RFX4: variants seen among roughly 807,000 people sequenced by gnomAD.
RFX4 encodes the protein regulatory factor X4.
RFX4 carries 10 observed loss-of-function variants against 95.0 expected under a neutral mutation model. That is an observed-to-expected ratio of 0.11 (90% confidence interval 0.06 to 0.18). The LOEUF (loss-of-function observed/expected upper bound fraction) is 0.18, where lower values mean the gene tolerates loss of function less well. Ranked by LOEUF, RFX4 falls within the 10% of genes least tolerant of loss-of-function variation. RFX4 has a pLI of 1.00. For synonymous variants in RFX4, 321 were observed against 340.7 expected, an observed-to-expected ratio of 0.94 and a Z score of 0.64; for missense variants, 640 against 922.0, an observed-to-expected ratio of 0.69 and a Z score of 3.96.
At chr12:106,667,731 C>T (rs1034514831) in intron 4 of RFX4, among the ~76,000 whole-genome samples, 2 of 152,134 alleles carry the variant, frequency 1.3e-5, no homozygotes, top group African/African-American at 4.8e-5. Context: ...TGTGTCCTCC[C>T]CTCTCTTAAG....
At chr12:106,627,583 G>C (rs572128213) in intron 2 of RFX4, among the ~76,000 whole-genome samples, 1 of 152,014 alleles carries the variant, frequency 6.6e-6, no homozygotes, top group African/African-American at 2.4e-5. Flanking sequence ...ACAATTCAAG[G>C]CTACGTAAAT....
intron 1 of RFX4, among the ~76,000 whole-genome samples, chr12:106,584,545 C>G (rs947865421): frequency 1.1e-4 from 16 of 152,202 alleles, no homozygotes; most frequent in Admixed American, 6.5e-5. Flanking sequence ...GCATGCACGT[C>G]CTTTCCTTGA....
intron 2 of RFX4, among the ~76,000 whole-genome samples, chr12:106,618,494 T>G (rs2040118562): frequency 2.0e-5 from 3 of 152,102 alleles, no homozygotes; most frequent in Admixed American, 2.0e-4. Flanking sequence ...TTTATTATTG[T>G]TAAATATTTC....
intron 2 of RFX4, among the ~76,000 whole-genome samples, chr12:106,624,979 G>A (rs1403875341): frequency 6.6e-6 from 1 of 152,182 alleles, no homozygotes; most frequent in African/African-American, 2.4e-5. Flanking sequence ...GCTTTTTCTG[G>A]CATGAGCCTT....
At chr12:106,595,772 C>T (rs902099381) in intron 1 of RFX4, among the ~76,000 whole-genome samples, 11 of 152,160 alleles carry the variant, frequency 7.2e-5, no homozygotes, top group African/African-American at 1.4e-4. Context: ...CTATAATCAT[C>T]GATAGAATCA....
intron 15 of RFX4, among the ~76,000 whole-genome samples, chr12:106,735,019 A>C (rs954475201): frequency 2.9e-4 from 44 of 150,472 alleles, no homozygotes; most frequent in African/African-American, 1.1e-3. Flanking sequence ...AGACCACTGC[A>C]CTCCAGCCTG....
chr12:106,725,608 A>C (rs940324432), intron 13 of RFX4, among the ~76,000 whole-genome samples: 3 of 152,200 alleles, frequency 2.0e-5, no homozygotes, highest in African/African-American at 4.8e-5. Flanking sequence ...GGATTTAATA[A>C]ATGTTTAGCA....
intron 13 of RFX4, among the ~76,000 whole-genome samples, chr12:106,723,832 A>AC (rs1270810757): frequency 2.0e-5 from 3 of 152,194 alleles, no homozygotes; most frequent in Non-Finnish European, 4.4e-5. Context: ...CTTTCCCTGT[A>AC]GTCAGGAGTG....
chr12:106,710,489 C>T (rs1031853935), intron 9 of RFX4, among the ~76,000 whole-genome samples: 5 of 152,140 alleles, frequency 3.3e-5, no homozygotes, highest in African/African-American at 1.2e-4. Context: ...CCCATTCCTC[C>T]ACTCCACACC....
At position 106,629,834 on chromosome 12, in the gene RFX4, A is replaced by G. The variant is rs574310220; in HGVS notation, c.131-9498A>G. Among the ~76,000 whole-genome samples the G allele has an allele frequency of 1.2e-4, 18 of 152,264 alleles. No homozygotes were observed. The East Asian group carries it at 3.3e-3, about 28-fold the overall frequency. ...GGTCTCACTATGACCCTCCGGCCTC[A>G]GCCTCCCAAAGTGTTGGGATTATAG... is the stretch of plus-strand genomic sequence containing the variant. On this transcript the variant is annotated intron_variant, in intron 2 of 17. Coordinates refer to ENST00000392842, the MANE Select transcript of RFX4 (RefSeq NM_213594.3).
At chr12:106,722,077 C>T (rs919707198) in intron 13 of RFX4, among the ~76,000 whole-genome samples, 7 of 152,264 alleles carry the variant, frequency 4.6e-5, no homozygotes, top group Non-Finnish European at 8.8e-5. Flanking sequence ...TATGGAAATG[C>T]TCTGCTGACT....
chr12:106,703,969 G>A (rs2042036075), intron 8 of RFX4, among the ~76,000 whole-genome samples: 1 of 150,460 alleles, frequency 6.6e-6, no homozygotes, highest in African/African-American at 2.5e-5. Flanking sequence ...GGGTGGCTGA[G>A]GCACAAGAAT....
intron 1 of RFX4, chr12:106,601,357 G>A: frequency 6.4e-7 from 1 of 1,574,098 alleles, no homozygotes; most frequent in Non-Finnish European, 8.6e-7. Flanking sequence ...GTAATGACCA[G>A]GGCCCAGGGA....
chr12:106,730,630 T>A (rs2042591343), intron 13 of RFX4, among the ~76,000 whole-genome samples: 1 of 152,094 alleles, frequency 6.6e-6, no homozygotes, highest in Non-Finnish European at 1.5e-5. Context: ...GTAGATGTGA[T>A]GATGATAATA....
At chr12:106,675,116 A>G (rs946339542) in intron 4 of RFX4, among the ~76,000 whole-genome samples, 3 of 152,194 alleles carry the variant, frequency 2.0e-5, no homozygotes, top group African/African-American at 7.2e-5. Context: ...CATGGTAACT[A>G]TAGTTAATAA....
At position 106,706,301 on chromosome 12, in the gene RFX4, T is replaced by C. The variant is rs376784392; in HGVS notation, c.834-3029T>C. On this transcript the variant is annotated intron_variant, in intron 8 of 17. Coordinates refer to ENST00000392842, the MANE Select transcript of RFX4 (RefSeq NM_213594.3). ...TTATCCTAAGAATAATGTGAAAACA[T>C]TGAGGAGTTTTAATCGGAATTACAG... is the stretch of plus-strand genomic sequence containing the variant. Among the ~76,000 whole-genome samples, 37 of 152,188 alleles carry C rather than the reference T, an allele frequency of 2.4e-4. No individual in the cohort carries two copies. In the East Asian group the frequency reaches 6.8e-3, roughly 28 times the overall value.
intron 11 of RFX4, among the ~76,000 whole-genome samples, chr12:106,717,560 T>C (rs1052647126): frequency 5.9e-5 from 9 of 152,206 alleles, no homozygotes; most frequent in African/African-American, 2.2e-4. Context: ...GTAAATGCTG[T>C]GGTTCAGTTC....
At position 106,586,995 on chromosome 12, in the gene RFX4, G is replaced by T. The variant is rs1309997543; in HGVS notation, c.43+3632G>T. ...CGTGTGTGTGTGCGCGCGCGCGGGCGAACGGGGCATGTGCGCCCCCATCTC... is the reference window on the plus strand; with the variant it reads ...CGTGTGTGTGTGCGCGCGCGCGGGCTAACGGGGCATGTGCGCCCCCATCTC... On this transcript the variant is annotated intron_variant, in intron 1 of 17. Transcript: ENST00000392842. The surrounding 1 kb of genome is among the most constrained non-coding windows in gnomAD (Gnocchi z 5.6). 2.6e-5 allele frequency among the ~76,000 whole-genome samples: 4 copies of T among 152,218 alleles called. No individual in the cohort carries two copies. The highest frequency in any genetic ancestry group is 7.2e-5 in the African/African-American group (3 of 41,466).
rs543720178 is a variant in RFX4 at position 106,674,741 on chromosome 12, A to G, written c.316-7252A>G. ...CATTTATTTTTGGTCTTCTCACACTAGAATGTAAGCTTCTTGAACAGAGGC... is the reference window on the plus strand; with the variant it reads ...CATTTATTTTTGGTCTTCTCACACTGGAATGTAAGCTTCTTGAACAGAGGC... On this transcript the variant is annotated intron_variant, in intron 4 of 17. Transcript: ENST00000392842. Among the ~76,000 whole-genome samples the G allele has an allele frequency of 3.9e-5, 6 of 152,288 alleles. No homozygotes were observed. The East Asian group carries it at 1.2e-3, about 29-fold the overall frequency.
Sources: allele counts gnomAD v4.1 joint callset (sites outside exome capture counted in the v4.1 genomes callset), GRCh38; gene constraint gnomAD v4.1.1; non-coding constraint Gnocchi (gnomAD v3.1); transcripts MANE v1.5; gene names NCBI Gene and HGNC (gene_info 2026-07-23, HGNC 2026-07-21).